MYSM1: variants seen among roughly 807,000 people sequenced by gnomAD.
MYSM1 encodes deubiquitinase MYSM1.
Under a neutral mutation model 116.0 loss-of-function variants are expected in MYSM1, and 51 were observed. That is an observed-to-expected ratio of 0.44 (90% CI 0.35 to 0.56). MYSM1 has a LOEUF of 0.56. Among genes scored for constraint, MYSM1 ranks in the 20% least tolerant of loss-of-function variants. The pLI is 0.00. For synonymous variants in MYSM1, 313 were observed against 315.2 expected, an observed-to-expected ratio of 0.99 and a Z score of 0.07; for missense variants, 900 against 974.9, an observed-to-expected ratio of 0.92 and a Z score of 1.02.
intron 17 of MYSM1, among the ~76,000 whole-genome samples, chr1:58,663,285 A>C (rs541800955): frequency 1.1e-4 from 17 of 150,532 alleles, no homozygotes; most frequent in Non-Finnish European, 1.9e-4. Flanking sequence ...ATTTTTAAGA[A>C]TATTTTTTAA....
At chr1:58,675,848 C>A (rs1168690044) in intron 9 of MYSM1, among the ~76,000 whole-genome samples, 1 of 152,104 alleles carries the variant, frequency 6.6e-6, no homozygotes, top group African/African-American at 2.4e-5. Flanking sequence ...CTTTTGGTGG[C>A]TGAGGAAGCA....
rs181024358 is a variant in MYSM1, at chr1:58,679,971, G to C, written c.1259+1814C>G. On this transcript the variant is annotated intron_variant, in intron 8 of 19. Coordinates refer to ENST00000472487, the MANE Select transcript of MYSM1 (RefSeq NM_001085487.3). The stretch of plus-strand genomic sequence containing the variant: ...GAACCTGGGAGACAGAGGTTGCAGT[G>C]AGCTGAGATCATGCCAAGGCACTCC... 1.9e-4 allele frequency among the ~76,000 whole-genome samples: 29 copies of C among 149,352 alleles called. 1 individual carries two copies. In the East Asian group the frequency reaches 3.6e-3, roughly 18 times the overall value.
In MYSM1 at chr1:58,659,920, C is replaced by T. The variant is rs1644366828; in HGVS notation, c.*77G>A. On this transcript the variant is annotated 3_prime_UTR_variant, in exon 20 of 20. Coordinates refer to ENST00000472487, the MANE Select transcript of MYSM1 (RefSeq NM_001085487.3). ...AATACCAAAGCTGTGCCAATGTTAA[C>T]TACAATCACTTCAAGTTTATAACTT... The T allele has an allele frequency of 7.1e-6, 7 of 979,900 alleles. No individual in the cohort carries two copies. In the Admixed American group the frequency reaches 1.8e-4, roughly 26 times the overall value. The allele number at this position is 979,900 out of a possible 1,614,324, so 60.7% of individuals were successfully genotyped here.
intron 8 of MYSM1, among the ~76,000 whole-genome samples, 185 bp downstream of exon 8, chr1:58,681,600 G>A (rs1444514600): frequency 6.6e-6 from 1 of 152,126 alleles, no homozygotes; most frequent in African/African-American, 2.4e-5. Flanking sequence ...GCAAAAAGAT[G>A]GGTTATGAGA....
At chr1:58,660,797 CT>C (rs1368879500) in intron 19 of MYSM1, among the ~76,000 whole-genome samples, 1 of 151,964 alleles carries the variant, frequency 6.6e-6, no homozygotes, top group East Asian at 1.9e-4. Flanking sequence ...AATAAAATGA[CT>C]ATTTAAATTT....
intron 17 of MYSM1, among the ~76,000 whole-genome samples, chr1:58,661,740 C>T (rs1328676952): frequency 6.6e-6 from 1 of 151,926 alleles, no homozygotes; most frequent in African/African-American, 2.4e-5. Flanking sequence ...AGTAAAAGTG[C>T]CATTTACATG....
At position 58,659,810 on chromosome 1, in the gene MYSM1, TA is replaced by T; in HGVS notation, c.*186del. On this transcript the variant is annotated 3_prime_UTR_variant, in exon 20 of 20. Transcript: ENST00000472487. ...GACCCTGGTTTGCAGAACACTCTGA[TA>T]ATCACTATATGAAAACAAATTTGTA... The T allele has an allele frequency of 2.2e-6, 1 of 459,128 alleles. No individual in the cohort carries two copies. The highest frequency in any genetic ancestry group is 6.0e-4 in the Middle Eastern group (1 of 1,674). 28.4% of individuals were successfully genotyped at this position (459,128 alleles called of 1,614,324 possible). A position where few individuals can be genotyped will look rare whatever the true frequency, so the allele number is the denominator to read the frequency against.
In MYSM1 at chr1:58,700,047, C is replaced by G. The variant is rs372124728; in HGVS notation, c.6G>C (p.Ala2=). The change falls in exon 1 of 20, where the codon GCG becomes GCC. Residue 2 remains alanine (A), a synonymous_variant. Coordinates refer to ENST00000472487, the MANE Select transcript of MYSM1 (RefSeq NM_001085487.3). ...CGATATCCACATCCGCCTCTTCAGC[C>G]GCCATGATGGGACCTGACCCCGTCC... M[A]AEEADVDIEG... 40 of 1,613,636 alleles carry G rather than the reference C, an allele frequency of 2.5e-5. No individual in the cohort carries two copies. The Admixed American group carries it at 6.0e-4, about 24-fold the overall frequency.
intron 10 of MYSM1, among the ~76,000 whole-genome samples, chr1:58,675,164 A>C (rs1644630923): frequency 6.6e-6 from 1 of 152,126 alleles, no homozygotes; most frequent in Admixed American, 6.5e-5. Context: ...AAAAAACTGA[A>C]CTATATATTT....
chr1:58,696,389 G>A (rs575127599), intron 1 of MYSM1, among the ~76,000 whole-genome samples: 1 of 152,292 alleles, frequency 6.6e-6, no homozygotes, highest in East Asian at 1.9e-4. Flanking sequence ...ATATTAGCAT[G>A]TTTAAAGCTT....
At chr1:58,683,740 C>T (rs1429795239) in intron 7 of MYSM1, among the ~76,000 whole-genome samples, 1 of 152,122 alleles carries the variant, frequency 6.6e-6, no homozygotes, top group East Asian at 1.9e-4. Flanking sequence ...TTGAGGTTAA[C>T]TGGCTTACTA....
chr1:58,680,942 A>C (rs930774478), intron 8 of MYSM1, among the ~76,000 whole-genome samples: 2 of 151,504 alleles, frequency 1.3e-5, no homozygotes, highest in Admixed American at 6.6e-5. Flanking sequence ...CTGCCTCAGC[A>C]TCCTGAGTAG....
chr1:58,697,519 C>T (rs1392319149), intron 1 of MYSM1, among the ~76,000 whole-genome samples: 3 of 151,636 alleles, frequency 2.0e-5, no homozygotes, highest in Non-Finnish European at 2.9e-5. Context: ...CTCCTTGCAA[C>T]ACTAGGAGTA....
chr1:58,691,456 AC>A (rs1245800074), intron 3 of MYSM1, among the ~76,000 whole-genome samples: 1 of 152,184 alleles, frequency 6.6e-6, no homozygotes, highest in East Asian at 1.9e-4. Flanking sequence ...CTAGAAGTGA[AC>A]CACTGACTAC....
rs902399308 is a variant in MYSM1 at position 58,655,126 on chromosome 1, A to G, written c.*4871T>C. ...TACTTATACACAACACATAATTTAC[A>G]TGTCAAATCCACAAATCTAAAAGAT... On this transcript the variant is annotated 3_prime_UTR_variant, in exon 20 of 20. Transcript: ENST00000472487. The G allele has an allele frequency of 2.1e-4, 32 of 152,318 alleles. No homozygotes were observed. The highest frequency in any genetic ancestry group is 1.7e-3 in the South Asian group (8 of 4,832). 9.4% of individuals were successfully genotyped at this position (152,318 alleles called of 1,614,324 possible). A position where few individuals can be genotyped will look rare whatever the true frequency, so the allele number is the denominator to read the frequency against.
rs376166451 is a variant in MYSM1 at position 58,698,099 on chromosome 1, TATA to T, written c.68+1883_68+1885del. Among the ~76,000 whole-genome samples the T allele has an allele frequency of 5.3e-4, 18 of 33,660 alleles. 1 individual carries two copies. Among genetic ancestry groups the T allele is most frequent in the South Asian group, 8.8e-4 (1 of 1,130 alleles). 22.1% of individuals were successfully genotyped at this position (33,660 alleles called of 152,430 possible). On this transcript the variant is annotated intron_variant, in intron 1 of 19. Transcript: ENST00000472487. ...ATTTATCAGACTATATATATATATATATATTTTTTTTTTTTTTTTGAGACAGAG... is the reference window on the plus strand; with the variant it reads ...ATTTATCAGACTATATATATATATATTTTTTTTTTTTTTTTTGAGACAGAG...
At chr1:58,691,037 T>C (rs1394153726) in intron 3 of MYSM1, among the ~76,000 whole-genome samples, 1 of 152,048 alleles carries the variant, frequency 6.6e-6, no homozygotes, top group East Asian at 1.9e-4. Flanking sequence ...CCCAGCACTT[T>C]GGAAGGCCGA....
chr1:58,695,098 A>G (rs1249186292), intron 2 of MYSM1, 31 bp downstream of exon 2: 13 of 1,385,242 alleles, frequency 9.4e-6, no homozygotes, highest in Non-Finnish European at 1.3e-5. Context: ...ATAACAGCTT[A>G]ATGCACCTGA....
At position 58,698,102 on chromosome 1, in the gene MYSM1, A is replaced by ATTTTTTTTTTTTTTTTTT. The variant is rs1553140002; in HGVS notation, c.68+1882_68+1883insAAAAAAAAAAAAAAAAAA. Among the ~76,000 whole-genome samples the ATTTTTTTTTTTTTTTTTT allele has an allele frequency of 6.4e-4, 5 of 7,768 alleles. 1 individual carries two copies. Among genetic ancestry groups the ATTTTTTTTTTTTTTTTTT allele is most frequent in the African/African-American group, 1.3e-3 (5 of 3,892 alleles). 5.1% of individuals were successfully genotyped at this position (7,768 alleles called of 152,430 possible). A position where few individuals can be genotyped will look rare whatever the true frequency, so the allele number is the denominator to read the frequency against. On this transcript the variant is annotated intron_variant, in intron 1 of 19. Transcript: ENST00000472487. ...TATCAGACTATATATATATATATAT[A>ATTTTTTTTTTTTTTTTTT]TTTTTTTTTTTTTTTTGAGACAGAG...
Sources: allele counts gnomAD v4.1 joint callset (sites outside exome capture counted in the v4.1 genomes callset), GRCh38; gene constraint gnomAD v4.1.1; transcripts MANE v1.5; gene names NCBI Gene and HGNC (gene_info 2026-07-23, HGNC 2026-07-21).